Variants in LDLRAD3 observed in about 807,000 individuals in gnomAD.
LDLRAD3 encodes low-density lipoprotein receptor class A domain-containing protein 3.
LDLRAD3 carries 20 observed loss-of-function variants against 29.4 expected under a neutral mutation model. The ratio of observed to expected loss-of-function variants is 0.68; its 90% CI spans 0.48 to 0.99. The LOEUF is 0.99. Ranked by LOEUF, LDLRAD3 falls within the 50% of genes least tolerant of loss-of-function variation. The pLI, the probability that LDLRAD3 is intolerant of heterozygous loss-of-function variation, is 0.00. For missense variants in LDLRAD3, 420 were observed against 454.3 expected, an observed-to-expected ratio of 0.92 and a Z score of 0.69; for synonymous variants, 157 against 192.7, an observed-to-expected ratio of 0.81 and a Z score of 1.53.
chr11:36,165,841 C>G (rs1274619796), intron 4 of LDLRAD3, among the ~76,000 whole-genome samples: 1 of 151,362 alleles, frequency 6.6e-6, no homozygotes, highest in Admixed American at 6.6e-5. Context: ...AGATGATCAC[C>G]CAGGTTTCAA....
In LDLRAD3 at chr11:36,228,314, A is replaced by G. The variant is rs187925412; in HGVS notation, c.801-846A>G. On this transcript the variant is annotated intron_variant, in intron 5 of 5. Coordinates refer to ENST00000315571, the MANE Select transcript of LDLRAD3 (RefSeq NM_174902.4). The stretch of plus-strand genomic sequence containing the variant: ...ATGGCGCTTAAGGATCTCTTTGCAA[A>G]TAAGTGTAAGAATTCAGGACCTTCC... 4.4e-4 allele frequency among the ~76,000 whole-genome samples: 67 copies of G among 152,308 alleles called. 2 individuals are homozygous for G. The East Asian group carries it at 0.012, about 26-fold the overall frequency.
intron 2 of LDLRAD3, among the ~76,000 whole-genome samples, chr11:36,036,469 G>A (rs970525128): frequency 5.9e-5 from 9 of 152,182 alleles, no homozygotes; most frequent in African/African-American, 2.2e-4. Context: ...AACGCTTTGA[G>A]AGAGCAGAAG....
At chr11:36,089,334 A>G (rs1302301956) in intron 3 of LDLRAD3, among the ~76,000 whole-genome samples, 1 of 152,206 alleles carries the variant, frequency 6.6e-6, no homozygotes, top group Admixed American at 6.5e-5. Context: ...GCCCATACTC[A>G]CACACTTAGT....
chr11:36,065,128 A>G (rs1337751716), intron 2 of LDLRAD3, among the ~76,000 whole-genome samples: 1 of 152,168 alleles, frequency 6.6e-6, no homozygotes, highest in Non-Finnish European at 1.5e-5. Flanking sequence ...GTTTCTAACT[A>G]TCATTGTTTA....
chr11:36,205,644 C>T (rs932525867), intron 4 of LDLRAD3, among the ~76,000 whole-genome samples: 2 of 152,198 alleles, frequency 1.3e-5, no homozygotes, highest in Admixed American at 1.3e-4. Context: ...AGAATAGCTC[C>T]ATTTGGGGCC....
At chr11:36,009,719 T>G (rs944737994) in intron 1 of LDLRAD3, among the ~76,000 whole-genome samples, 2 of 152,348 alleles carry the variant, frequency 1.3e-5, no homozygotes, top group Non-Finnish European at 1.5e-5. Context: ...ATGCAGAAAA[T>G]TCTATGAGTC....
At chr11:36,115,672 C>T (rs991482593) in intron 4 of LDLRAD3, among the ~76,000 whole-genome samples, 14 of 152,144 alleles carry the variant, frequency 9.2e-5, no homozygotes, top group Non-Finnish European at 1.9e-4. Context: ...CCCAGTCCCT[C>T]CTCACCTCAA....
rs1239154713 is a variant in LDLRAD3 at position 36,230,657 on chromosome 11, T to A, written c.*1260T>A. 1.3e-5 allele frequency: 2 copies of A among 152,648 alleles called. No homozygotes were observed. Among genetic ancestry groups the A allele is most frequent in the East Asian group, 3.8e-4 (2 of 5,196 alleles). 9.5% of individuals were successfully genotyped at this position (152,648 alleles called of 1,614,324 possible). Reference sequence around the variant, plus strand: ...GGATCTATTTTAAATCTTTTAGAAATGCATTTGAAACAGTGTGTTTGTTTT... The same window carrying A: ...GGATCTATTTTAAATCTTTTAGAAAAGCATTTGAAACAGTGTGTTTGTTTT... On this transcript the variant is annotated 3_prime_UTR_variant, in exon 6 of 6. Coordinates refer to ENST00000315571, the MANE Select transcript of LDLRAD3 (RefSeq NM_174902.4).
intron 4 of LDLRAD3, among the ~76,000 whole-genome samples, chr11:36,137,607 G>A (rs911020800): frequency 2.6e-5 from 4 of 152,296 alleles, no homozygotes; most frequent in African/African-American, 7.2e-5. Flanking sequence ...AGAACAGCTC[G>A]GCACAGCTAA....
At chr11:36,211,707 TTGC>T (rs1360818879) in intron 4 of LDLRAD3, among the ~76,000 whole-genome samples, 1 of 152,220 alleles carries the variant, frequency 6.6e-6, no homozygotes, top group African/African-American at 2.4e-5. Context: ...ATGATGATAC[TTGC>T]TTTCCCAACT....
At chr11:35,996,726 G>A (rs527597471) in intron 1 of LDLRAD3, among the ~76,000 whole-genome samples, 39 of 152,286 alleles carry the variant, frequency 2.6e-4, no homozygotes, top group Middle Eastern at 3.4e-3. Flanking sequence ...AGGGCCAGGA[G>A]CAAGGACCAT....
chr11:36,021,694 T>A (rs1852097785), intron 1 of LDLRAD3, among the ~76,000 whole-genome samples: 1 of 152,136 alleles, frequency 6.6e-6, no homozygotes, highest in South Asian at 2.1e-4. Context: ...CAGGCTGGAG[T>A]GCAGTGGCGT....
At chr11:36,184,043 G>A (rs61879011) in intron 4 of LDLRAD3, 21,536 of 280,096 alleles carry the variant, frequency 0.077, 937 homozygotes, top group East Asian at 0.18. Flanking sequence ...TCGGCTCACC[G>A]CAACCTCCAC....
chr11:36,211,129 G>A (rs763777366), intron 4 of LDLRAD3, among the ~76,000 whole-genome samples: 2 of 152,190 alleles, frequency 1.3e-5, no homozygotes, highest in Non-Finnish European at 2.9e-5. Context: ...TAGGCTTGAT[G>A]GGCCCTAGAG....
chr11:36,229,931 A>C lies in LDLRAD3; in HGVS notation c.*534A>C, dbSNP rs945680672. The C allele has an allele frequency of 4.6e-5, 7 of 152,856 alleles. No individual in the cohort carries two copies. Among genetic ancestry groups the C allele is most frequent in the Admixed American group, 4.6e-4 (7 of 15,342 alleles). The allele number at this position is 152,856 out of a possible 1,614,324, so 9.5% of individuals were successfully genotyped here. ...CTATTTGATGCCCCCAGTTCAGCAG[A>C]GTCAGTGGCCAAAGAAAACTTTGGA... On this transcript the variant is annotated 3_prime_UTR_variant, in exon 6 of 6. Transcript: ENST00000315571.
In LDLRAD3 at chr11:35,944,803, C is replaced by T; in HGVS notation, c.46+659C>T. 6.6e-6 allele frequency among the ~76,000 whole-genome samples: 1 copy of T among 152,228 alleles called. No homozygotes were observed. The highest frequency in any genetic ancestry group is 6.5e-5 in the Admixed American group (1 of 15,292). ...ACCACCCTACTTGCCCCGCGATGGG[C>T]GCCCTGACCGGCGAGGGGCCCTGGG... On this transcript the variant is annotated intron_variant, in intron 1 of 5. Coordinates refer to ENST00000315571, the MANE Select transcript of LDLRAD3 (RefSeq NM_174902.4). The surrounding 1 kb of genome is among the most constrained non-coding windows in gnomAD (Gnocchi z 4.9).
chr11:36,158,227 A>G (rs1248752526), intron 4 of LDLRAD3, among the ~76,000 whole-genome samples: 1 of 152,158 alleles, frequency 6.6e-6, no homozygotes, highest in Non-Finnish European at 1.5e-5. Flanking sequence ...CTCAGCTGTG[A>G]GAGTTCCAGG....
intron 4 of LDLRAD3, among the ~76,000 whole-genome samples, chr11:36,208,348 T>TC (rs1855238728): frequency 6.6e-6 from 1 of 152,220 alleles, no homozygotes; most frequent in African/African-American, 2.4e-5. Flanking sequence ...CCTGGGAAGT[T>TC]CAAGATCAAG....
intron 4 of LDLRAD3, among the ~76,000 whole-genome samples, chr11:36,147,031 C>A (rs1157060153): frequency 6.6e-6 from 1 of 150,530 alleles, no homozygotes; most frequent in Non-Finnish European, 1.5e-5. Flanking sequence ...CTCGAGTGAC[C>A]CACCCACCTT....
Sources: allele counts gnomAD v4.1 joint callset (sites outside exome capture counted in the v4.1 genomes callset), GRCh38; gene constraint gnomAD v4.1.1; non-coding constraint Gnocchi (gnomAD v3.1); transcripts MANE v1.5; gene names NCBI Gene and HGNC (gene_info 2026-07-23, HGNC 2026-07-21).